Variants in MAP3K7 observed in about 807,000 individuals in gnomAD.
MAP3K7 encodes the protein TGF-beta activated kinase 1.
MAP3K7 carries 21 observed loss-of-function variants against 84.8 expected under a neutral mutation model. That is an observed-to-expected ratio of 0.25 (90% CI 0.18 to 0.36). The LOEUF is 0.36. Among genes scored for constraint, MAP3K7 ranks in the 10% least tolerant of loss-of-function variants. The pLI, the probability that MAP3K7 is intolerant of heterozygous loss-of-function variation, is 1.00. For synonymous variants in MAP3K7, 241 were observed against 247.7 expected (o/e 0.97, Z 0.25); for missense variants, 503 against 747.7 (o/e 0.67, Z 3.82).
intron 3 of MAP3K7, among the ~76,000 whole-genome samples, chr6:90,565,078 T>C (rs1445468690): frequency 6.6e-6 from 1 of 152,200 alleles, no homozygotes; most frequent in Admixed American, 6.5e-5. Flanking sequence ...GGGAAATTTA[T>C]AGCACTAAAT....
intron 9 of MAP3K7, among the ~76,000 whole-genome samples, chr6:90,548,942 G>C (rs1279993141): frequency 6.6e-6 from 1 of 151,992 alleles, no homozygotes; most frequent in East Asian, 1.9e-4. Context: ...ACCTTGACAA[G>C]AACAATTCTG....
chr6:90,560,129 A>G lies in MAP3K7; in HGVS notation c.429T>C (p.Tyr143=). Residue 143 remains tyrosine, a synonymous_variant, in exon 5 of 17, where the codon TAT becomes TAC. Coordinates refer to ENST00000369329, the MANE Select transcript of MAP3K7 (RefSeq NM_145331.3). ...GCGCTTTGGGTTGCATGCTGTGAAGATAAGCCACTCCTTGGGAACACTGTA... is the reference window on the plus strand; with the variant it reads ...GCGCTTTGGGTTGCATGCTGTGAAGGTAAGCCACTCCTTGGGAACACTGTA... The part of the protein sequence containing the change: ...WCLQCSQGVA[Y]LHSMQPKALI... The G allele has an allele frequency of 1.2e-6, 2 of 1,614,220 alleles. No homozygotes were observed. The highest frequency in any genetic ancestry group is 1.7e-5 in the Admixed American group (1 of 60,026).
At chr6:90,536,476 A>G (rs1775683556) in intron 12 of MAP3K7, 75 bp from the exon 13 acceptor site, 1 of 1,116,120 alleles carries the variant, frequency 9.0e-7, no homozygotes, top group East Asian at 2.5e-5. Context: ...GCTACAGCAG[A>G]AAGTTGGAAT....
chr6:90,576,947 T>C (rs1290656886), intron 1 of MAP3K7, among the ~76,000 whole-genome samples: 7 of 152,236 alleles, frequency 4.6e-5, no homozygotes, highest in Middle Eastern at 3.4e-3. Context: ...TCAGTCTAAG[T>C]GCAATGTGAA....
At chr6:90,531,888 A>G (rs573674742) in intron 13 of MAP3K7, among the ~76,000 whole-genome samples, 1 of 151,756 alleles carries the variant, frequency 6.6e-6, no homozygotes, top group Admixed American at 6.6e-5. Context: ...CTCAGGAGGC[A>G]GAGGTTGCAA....
At chr6:90,524,591 A>G (rs912608861) in intron 13 of MAP3K7, among the ~76,000 whole-genome samples, 11 of 152,190 alleles carry the variant, frequency 7.2e-5, no homozygotes, top group African/African-American at 2.7e-4. Flanking sequence ...CCAAAATAAC[A>G]TTCTTAGATG....
chr6:90,523,774 T>C lies in MAP3K7; in HGVS notation c.1366A>G (p.Arg456Gly). The C allele has an allele frequency of 3.8e-6, 6 of 1,593,592 alleles. No individual in the cohort carries two copies. Among genetic ancestry groups the C allele is most frequent in the Non-Finnish European group, 4.3e-6 (5 of 1,161,576 alleles). ...TGTEPGQVSSRSSSPSVRMIT... is the reference protein window; with the variant it reads ...TGTEPGQVSSGSSSPSVRMIT... Reference sequence around the variant, plus strand: ...ATTCTGACACTGGGACTGGATGACCTACTGCTCACCTACAGGAAGAAGTCA... The same window carrying C: ...ATTCTGACACTGGGACTGGATGACCCACTGCTCACCTACAGGAAGAAGTCA... The change falls in exon 14 of 17, where the codon AGG becomes GGG. Residue 456 changes from arginine to glycine, a missense_variant. Around this residue, in one of 5 missense-constraint regions of MAP3K7, gnomAD observed 286 missense variants for 313.6 expected, o/e 0.91. Coordinates refer to ENST00000369329, the MANE Select transcript of MAP3K7 (RefSeq NM_145331.3).
intron 5 of MAP3K7, among the ~76,000 whole-genome samples, chr6:90,558,194 T>C (rs1252183914): frequency 6.6e-6 from 1 of 151,944 alleles, no homozygotes; most frequent in African/African-American, 2.4e-5. Flanking sequence ...TGGTGGCACA[T>C]GCCTGTAGTC....
At chr6:90,560,343 C>CT in intron 4 of MAP3K7, 129 bp from the exon 5 acceptor site, 1 of 926,874 alleles carries the variant, frequency 1.1e-6, no homozygotes, top group Non-Finnish European at 1.6e-6. Context: ...ATCAGTCCTG[C>CT]TTTTAATTTT....
rs1173965744 is a variant in MAP3K7 at position 90,516,549 on chromosome 6, T to C, written c.1773A>G (p.Gln591=). The part of the protein sequence containing the change: ...LSTYYQQCKK[Q]LEVIRSQQQK... ...GCTGCTGACTTCTGATGACCTCTAGTTGTTTTTTGCATTGCTGGTAGTAAG... is the reference window on the plus strand; with the variant it reads ...GCTGCTGACTTCTGATGACCTCTAGCTGTTTTTTGCATTGCTGGTAGTAAG... Residue 591 remains glutamine (Q), a synonymous_variant, in exon 17 of 17, where the codon CAA becomes CAG. Transcript: ENST00000369329. 1.2e-6 allele frequency: 2 copies of C among 1,612,738 alleles called. No homozygotes were observed. The highest frequency in any genetic ancestry group is 2.2e-5 in the East Asian group (1 of 44,844).
At chr6:90,558,905 G>A (rs1040692508) in intron 5 of MAP3K7, among the ~76,000 whole-genome samples, 11 of 152,170 alleles carry the variant, frequency 7.2e-5, no homozygotes, top group Middle Eastern at 3.2e-3. Flanking sequence ...GAATGCTTTG[G>A]CTGTATCTGA....
chr6:90,522,773 C>A (rs1227182950), intron 14 of MAP3K7, among the ~76,000 whole-genome samples: 4 of 152,110 alleles, frequency 2.6e-5, no homozygotes, highest in Non-Finnish European at 4.4e-5. Flanking sequence ...CATCAGATAA[C>A]TATAAATACT....
At chr6:90,531,325 G>A (rs892347951) in intron 13 of MAP3K7, among the ~76,000 whole-genome samples, 18 of 152,132 alleles carry the variant, frequency 1.2e-4, no homozygotes, top group Admixed American at 1.3e-4. Context: ...ACATTTAAAA[G>A]CTATTTAATA....
At chr6:90,540,125 T>G (rs574139059) in intron 12 of MAP3K7, among the ~76,000 whole-genome samples, 1 of 152,042 alleles carries the variant, frequency 6.6e-6, no homozygotes, top group African/African-American at 2.4e-5. Flanking sequence ...GGCAAAAATC[T>G]TATCTATTTC....
rs543853234 is a variant in MAP3K7, at chr6:90,526,195, AAAAAC to A, written c.1357-2417_1357-2413del. On this transcript the variant is annotated intron_variant, in intron 13 of 16. Coordinates refer to ENST00000369329, the MANE Select transcript of MAP3K7 (RefSeq NM_145331.3). ...TGTAAATTATATAAAAGGAGACCAA[AAAAAC>A]AAAACAAAACACACACAGTAAAACT... 4.8e-3 allele frequency among the ~76,000 whole-genome samples: 732 copies of A among 152,302 alleles called. 4 individuals are homozygous for A. Among genetic ancestry groups the A allele is most frequent in the Admixed American group, 7.7e-3 (117 of 15,292 alleles).
At position 90,518,512 on chromosome 6, in the gene MAP3K7, C is replaced by T. The variant is rs1221952838; in HGVS notation, c.1575G>A (p.Gln525=). 2 of 1,609,496 alleles carry T rather than the reference C, an allele frequency of 1.2e-6. No individual in the cohort carries two copies. Among genetic ancestry groups the T allele is most frequent in the Non-Finnish European group, 8.5e-7 (1 of 1,177,218 alleles). The change falls in exon 16 of 17, where the codon CAG becomes CAA. Residue 525 remains glutamine (Q), a synonymous_variant. Transcript: ENST00000369329. ...TATATTCTTGTGCCATTTTACAATGCTGTTCAAACACTGCCATAGATTCTT... is the reference window on the plus strand; with the variant it reads ...TATATTCTTGTGCCATTTTACAATGTTGTTCAAACACTGCCATAGATTCTT... ...NSKESMAVFE[Q]HCKMAQEYMK... is the part of the protein sequence containing the mutation.
chr6:90,559,684 C>T (rs983930564), intron 5 of MAP3K7, among the ~76,000 whole-genome samples: 40 of 152,256 alleles, frequency 2.6e-4, no homozygotes, highest in African/African-American at 8.9e-4. Flanking sequence ...AACAACTCTG[C>T]AAATTTCTGT....
In MAP3K7 at chr6:90,536,179, GT is replaced by G. The variant is rs35103741; in HGVS notation, c.1356+157del. On this transcript the variant is annotated intron_variant, in intron 13 of 16. Transcript: ENST00000369329. Reference sequence around the variant, plus strand: ...AAGTTAAATTAACAATGGCACCTATGTTTTTTTCCCCCCTAAGTATTTAAGT... The same window carrying G: ...AAGTTAAATTAACAATGGCACCTATGTTTTTTCCCCCCTAAGTATTTAAGT... Among the ~76,000 whole-genome samples, 1,435 of 151,978 alleles carry G rather than the reference GT, an allele frequency of 9.4e-3. 13 individuals carry two copies. Among genetic ancestry groups the G allele is most frequent in the Non-Finnish European group, 0.014 (926 of 67,898 alleles).
At chr6:90,544,334 T>C (rs1775937564) in intron 12 of MAP3K7, among the ~76,000 whole-genome samples, 2 of 152,138 alleles carry the variant, frequency 1.3e-5, no homozygotes, top group Non-Finnish European at 2.9e-5. Context: ...AAAGGTTTAC[T>C]TTCTCTTCTA....
Sources: allele counts gnomAD v4.1 joint callset (sites outside exome capture counted in the v4.1 genomes callset), GRCh38; gene constraint gnomAD v4.1.1; regional missense constraint gnomAD v4.1.1; transcripts MANE v1.5; gene names NCBI Gene and HGNC (gene_info 2026-07-23, HGNC 2026-07-21).